The following ROR1 variants were observed in gnomAD, a reference collection of about 807,000 sequenced individuals.
The protein encoded by ROR1 is ROR family WNT receptor 1.
In ROR1, 19 loss-of-function variants were observed where a neutral mutation model predicts 78.8. That is an observed-to-expected ratio of 0.24 (90% CI 0.17 to 0.35). The LOEUF is 0.35. ROR1 is among the 10% of genes least tolerant of loss of function. ROR1 has a pLI of 1.00. For missense variants in ROR1, 917 were observed against 1,177.8 expected (o/e 0.78, Z 3.24); for synonymous variants, 386 against 433.6 (o/e 0.89, Z 1.36).
rs376634334 is a variant in ROR1, at chr1:63,932,674, T to C, written c.92-76631T>C. On this transcript the variant is annotated intron_variant, in intron 1 of 8. Transcript: ENST00000371079. ...GATGTTATCATGATCTATCATTATT[T>C]TCCCTGCTTTATAGAAGGGAAAACA... 3.8e-4 allele frequency among the ~76,000 whole-genome samples: 58 copies of C among 152,334 alleles called. 1 individual carries two copies. The South Asian group carries it at 0.011, about 30-fold the overall frequency.
In ROR1 at chr1:63,924,271, T is replaced by C. The variant is rs547699668; in HGVS notation, c.92-85034T>C. Among the ~76,000 whole-genome samples, 7 of 152,236 alleles carry C rather than the reference T, an allele frequency of 4.6e-5. No homozygotes were observed. The South Asian group carries it at 1.5e-3, about 32-fold the overall frequency. On this transcript the variant is annotated intron_variant, in intron 1 of 8. Coordinates refer to ENST00000371079, the MANE Select transcript of ROR1 (RefSeq NM_005012.4). ...TTGTTGACAGTTTATCTCCACCCAC[T>C]AGAAGGTAACTCTGGCCAGGGTTAC...
chr1:63,949,342 G>A (rs1419361710), intron 1 of ROR1, among the ~76,000 whole-genome samples: 1 of 152,144 alleles, frequency 6.6e-6, no homozygotes, highest in African/African-American at 2.4e-5. Flanking sequence ...CCCAGAGAAG[G>A]AAAGGTTTTT....
At position 64,049,921 on chromosome 1, in the gene ROR1, G is replaced by A. The variant is rs376343085; in HGVS notation, c.394G>A (p.Val132Met). The change falls in exon 3 of 9, where the codon GTG becomes ATG. Residue 132 changes from valine to methionine, a missense_variant. Transcript: ENST00000371079. ...CACAGACACAGGCTACTTCCAGTGC[G>A]TGGCAACAAACGGCAAGGAGGTGGT... ...DTTDTGYFQC[V>M]ATNGKEVVSS... The A allele has an allele frequency of 1.7e-5, 28 of 1,614,080 alleles. No homozygotes were observed. Among genetic ancestry groups the A allele is most frequent in the South Asian group, 8.8e-5 (8 of 91,086 alleles).
chr1:63,867,425 A>G (rs1645223094), intron 1 of ROR1, among the ~76,000 whole-genome samples: 1 of 152,122 alleles, frequency 6.6e-6, no homozygotes, highest in African/African-American at 2.4e-5. Context: ...TCATCTTGAA[A>G]GGATTCAGCT....
At chr1:63,849,645 C>A (rs1645101610) in intron 1 of ROR1, among the ~76,000 whole-genome samples, 1 of 152,074 alleles carries the variant, frequency 6.6e-6, no homozygotes, top group African/African-American at 2.4e-5. Flanking sequence ...CTGCAGTGAG[C>A]AGTGATGGTA....
intron 1 of ROR1, among the ~76,000 whole-genome samples, chr1:63,996,172 T>C (rs1646335504): frequency 6.6e-6 from 1 of 152,124 alleles, no homozygotes; most frequent in South Asian, 2.1e-4. Context: ...TCAAGAAGCA[T>C]ACAATCTTAT....
intron 1 of ROR1, among the ~76,000 whole-genome samples, chr1:63,807,846 G>T (rs181517286): frequency 6.6e-6 from 1 of 152,130 alleles, no homozygotes; most frequent in African/African-American, 2.4e-5. Flanking sequence ...ACAAAGATGC[G>T]TGGACACTTT....
At chr1:64,004,789 C>T (rs1484574933) in intron 1 of ROR1, among the ~76,000 whole-genome samples, 1 of 152,152 alleles carries the variant, frequency 6.6e-6, no homozygotes, top group African/African-American at 2.4e-5. Flanking sequence ...CCAAATAACA[C>T]TCCCACTGTT....
At chr1:64,144,980 T>C (rs998335446) in intron 7 of ROR1, among the ~76,000 whole-genome samples, 3 of 152,178 alleles carry the variant, frequency 2.0e-5, no homozygotes, top group South Asian at 2.1e-4. Context: ...AATAATGATA[T>C]ACACTTAGGA....
intron 4 of ROR1, among the ~76,000 whole-genome samples, chr1:64,061,575 G>A (rs1326614291): frequency 1.1e-4 from 17 of 152,134 alleles, no homozygotes; most frequent in Non-Finnish European, 4.4e-5. Flanking sequence ...TCTGGGAGTG[G>A]GCCTGGGACT....
chr1:63,906,516 G>A (rs940456041), intron 1 of ROR1, among the ~76,000 whole-genome samples: 2 of 152,118 alleles, frequency 1.3e-5, no homozygotes, highest in Non-Finnish European at 2.9e-5. Context: ...GTCAGTTCCC[G>A]TAACCCCTCC....
At chr1:63,881,780 AT>A (rs1645324685) in intron 1 of ROR1, among the ~76,000 whole-genome samples, 1 of 152,216 alleles carries the variant, frequency 6.6e-6, no homozygotes, top group Non-Finnish European at 1.5e-5. Context: ...CTAAGGAAAT[AT>A]AAAATAGTAT....
intron 2 of ROR1, among the ~76,000 whole-genome samples, chr1:64,014,939 T>C (rs1005233526): frequency 6.7e-5 from 10 of 150,006 alleles, no homozygotes; most frequent in Admixed American, 2.0e-4. Context: ...TCTGTTACTG[T>C]ATTAATCCAT....
intron 4 of ROR1, among the ~76,000 whole-genome samples, chr1:64,087,503 G>A (rs1355551725): frequency 6.6e-6 from 1 of 152,194 alleles, no homozygotes; most frequent in African/African-American, 2.4e-5. Context: ...CTGGTAACTA[G>A]GTGGAGCTGA....
intron 2 of ROR1, among the ~76,000 whole-genome samples, chr1:64,020,452 A>G (rs1472360274): frequency 6.6e-6 from 1 of 152,214 alleles, no homozygotes; most frequent in African/African-American, 2.4e-5. Context: ...CCCTTTGGAT[A>G]CTCTACAATT....
At chr1:63,958,119 G>T (rs544078234) in intron 1 of ROR1, among the ~76,000 whole-genome samples, 1 of 152,092 alleles carries the variant, frequency 6.6e-6, no homozygotes, top group African/African-American at 2.4e-5. Flanking sequence ...ATAGAATTTT[G>T]TCATATAGCT....
intron 4 of ROR1, among the ~76,000 whole-genome samples, chr1:64,127,259 A>G (rs2100694550): frequency 6.6e-6 from 1 of 152,304 alleles, no homozygotes; most frequent in South Asian, 2.1e-4. Flanking sequence ...CTTATAATGG[A>G]CACTGCAAGA....
At chr1:63,806,229 A>G (rs1644827687) in intron 1 of ROR1, among the ~76,000 whole-genome samples, 1 of 152,090 alleles carries the variant, frequency 6.6e-6, no homozygotes, top group Non-Finnish European at 1.5e-5. Flanking sequence ...AGCCTGGTCA[A>G]GTGCGCTGGA....
intron 4 of ROR1, among the ~76,000 whole-genome samples, chr1:64,124,783 C>G (rs924030462): frequency 6.6e-6 from 1 of 152,178 alleles, no homozygotes; most frequent in Non-Finnish European, 1.5e-5. Flanking sequence ...CTCTGCCTTC[C>G]AACACTACTC....
Sources: allele counts gnomAD v4.1 joint callset (sites outside exome capture counted in the v4.1 genomes callset), GRCh38; gene constraint gnomAD v4.1.1; transcripts MANE v1.5; gene names NCBI Gene and HGNC (gene_info 2026-07-23, HGNC 2026-07-21).